The following CHRNA3 variants were observed in gnomAD, a reference collection of about 807,000 sequenced individuals.
The protein encoded by CHRNA3 is cholinergic receptor nicotinic alpha 3 subunit, also known as neuronal acetylcholine receptor subunit alpha-3.
A neutral mutation model predicts 41.9 loss-of-function variants in CHRNA3; 34 were observed. The ratio of observed to expected loss-of-function variants is 0.81; its 90% CI spans 0.62 to 1.08. CHRNA3 has a LOEUF of 1.08. Ranked by LOEUF, CHRNA3 falls within the 50% of genes least tolerant of loss-of-function variation. The pLI, the probability that CHRNA3 is intolerant of heterozygous loss-of-function variation, is 0.00. For missense variants in CHRNA3, 542 were observed against 638.3 expected (o/e 0.85, Z 1.63); for synonymous variants, 281 against 265.2 (o/e 1.06, Z -0.58).
At position 78,619,005 on chromosome 15, in the gene CHRNA3, C is replaced by T. The variant is rs71581736; in HGVS notation, c.83-90G>A. The T allele has an allele frequency of 3.7e-3, 5,248 of 1,423,450 alleles. 116 individuals are homozygous for T. The African/African-American group carries it at 0.055, about 15-fold the overall frequency. The allele number at this position is 1,423,450 out of a possible 1,614,324, so 88.2% of individuals were successfully genotyped here. A position where few individuals can be genotyped will look rare whatever the true frequency, so the allele number is the denominator to read the frequency against. ...CAGAAACATCACCCATCTACAGCAT[C>T]CCCTCCACCTGTGGGGGGATTCTGT... On this transcript the variant is annotated intron_variant, in intron 1 of 5. Transcript: ENST00000326828.
At chr15:78,617,276 A>C (rs2053478082) in intron 3 of CHRNA3, 143 bp from the exon 4 acceptor site, 4 of 629,008 alleles carry the variant, frequency 6.4e-6, no homozygotes, top group Non-Finnish European at 1.1e-5. Context: ...ACATAGTCCA[A>C]CTTCTCCTGT....
intron 4 of CHRNA3, among the ~76,000 whole-genome samples, chr15:78,609,686 C>T (rs929693829): frequency 1.3e-5 from 2 of 152,114 alleles, no homozygotes; most frequent in African/African-American, 4.8e-5. Flanking sequence ...AGCAAAATCA[C>T]CAGCTAACAT....
chr15:78,604,354 A>C (rs1033004738), intron 4 of CHRNA3, among the ~76,000 whole-genome samples: 4 of 152,252 alleles, frequency 2.6e-5, no homozygotes, highest in African/African-American at 9.6e-5. Flanking sequence ...GTCAAAGGAC[A>C]GGAATGACTT....
intron 1 of CHRNA3, among the ~76,000 whole-genome samples, chr15:78,619,438 G>A (rs2067808): frequency 0.28 from 42,163 of 151,964 alleles, 6,817 homozygotes; most frequent in Non-Finnish European, 0.38. Context: ...CTTCCACGAT[G>A]GAAAGATGGC....
intron 5 of CHRNA3, among the ~76,000 whole-genome samples, chr15:78,598,233 A>G (rs2053142547): frequency 6.6e-6 from 1 of 152,284 alleles, no homozygotes; most frequent in East Asian, 1.9e-4. Context: ...CTTCCCTCAG[A>G]AGCTTGTTTC....
chr15:78,603,047 C>T (rs1319320311), intron 4 of CHRNA3, among the ~76,000 whole-genome samples: 1 of 152,164 alleles, frequency 6.6e-6, no homozygotes. Flanking sequence ...TTCTTTGAGA[C>T]AGAGTCTCAC....
At chr15:78,608,871 G>A (rs1323150955) in intron 4 of CHRNA3, among the ~76,000 whole-genome samples, 3 of 152,190 alleles carry the variant, frequency 2.0e-5, no homozygotes, top group Non-Finnish European at 1.5e-5. Flanking sequence ...AATAACCAAT[G>A]CAGAGAAGTC....
chr15:78,599,662 A>G (rs534858947), intron 5 of CHRNA3, among the ~76,000 whole-genome samples: 1 of 148,664 alleles, frequency 6.7e-6, no homozygotes, highest in African/African-American at 2.5e-5. Flanking sequence ...AGCCCCCTGG[A>G]TTTATTTCTC....
In CHRNA3 at chr15:78,601,125, T is replaced by C. The variant is rs954545413; in HGVS notation, c.1389+128A>G. 1.4e-5 allele frequency: 12 copies of C among 828,564 alleles called. No individual in the cohort carries two copies. The East Asian group carries it at 2.2e-4, about 15-fold the overall frequency. 51.3% of individuals were successfully genotyped at this position (828,564 alleles called of 1,614,324 possible). A position where few individuals can be genotyped will look rare whatever the true frequency, so the allele number is the denominator to read the frequency against. On this transcript the variant is annotated intron_variant, in intron 5 of 5. Coordinates refer to ENST00000326828, the MANE Select transcript of CHRNA3 (RefSeq NM_000743.5). ...AACATACCCAAGGACATATAACTGG[T>C]CTTAACACAGGCCACTGACTCCAGA...
rs1285833703 is a variant in CHRNA3 at position 78,620,881 on chromosome 15, C to T, written c.-87G>A. On this transcript the variant is annotated 5_prime_UTR_variant, in exon 1 of 6. Transcript: ENST00000326828. ...ACGGCCTCTCCCCGCGCGGCTCCAG[C>T]GCAGACCCCAGACCTGGAGCCGTGC... The T allele has an allele frequency of 2.1e-5, 27 of 1,304,956 alleles. No homozygotes were observed. The highest frequency in any genetic ancestry group is 2.5e-5 in the Non-Finnish European group (26 of 1,033,502). The allele number at this position is 1,304,956 out of a possible 1,614,324, so 80.8% of individuals were successfully genotyped here. A position where few individuals can be genotyped will look rare whatever the true frequency, so the allele number is the denominator to read the frequency against.
At chr15:78,593,384 TTTATG>T (rs1209682829), downstream of CHRNA3, 4 of 843,422 alleles carry the variant, frequency 4.7e-6, no homozygotes, top group African/African-American at 3.5e-5. Flanking sequence ...CTAACCTCAA[TTTATG>T]TTAACAGATG....
chr15:78,596,607 T>C lies in CHRNA3; in HGVS notation c.1515A>G (p.Ala505=), dbSNP rs780890777. ...FLQPLMARED[A] is the part of the protein sequence containing the mutation. ...AGGCAGGCACACAGCTTAGTGCTTATGCATCTTCCCTGGCCATCAGGGGTT... is the reference window on the plus strand; with the variant it reads ...AGGCAGGCACACAGCTTAGTGCTTACGCATCTTCCCTGGCCATCAGGGGTT... Residue 505 remains alanine (A), a synonymous_variant, in exon 6 of 6, where the codon GCA becomes GCG. Transcript: ENST00000326828. The C allele has an allele frequency of 2.5e-6, 4 of 1,601,720 alleles. No individual in the cohort carries two copies. The highest frequency in any genetic ancestry group is 1.8e-5 in the Admixed American group (1 of 56,178).
intron 4 of CHRNA3, among the ~76,000 whole-genome samples, chr15:78,607,181 G>A (rs2053303062): frequency 6.9e-6 from 1 of 145,308 alleles, no homozygotes; most frequent in African/African-American, 2.5e-5. Context: ...GTGAGCCAAG[G>A]CACTCCAGCC....
downstream of CHRNA3, chr15:78,593,261 C>G (rs768799141): frequency 6.2e-7 from 1 of 1,605,698 alleles, no homozygotes. Flanking sequence ...TGAAGCCTCC[C>G]AAGGGACTGA....
downstream of CHRNA3, chr15:78,593,101 G>T: frequency 2.5e-6 from 4 of 1,605,188 alleles, no homozygotes; most frequent in Non-Finnish European, 3.4e-6. Context: ...GGTTGTTGAA[G>T]ATTGGAAATT....
chr15:78,598,083 A>G (rs1296785268), intron 5 of CHRNA3, among the ~76,000 whole-genome samples: 1 of 152,154 alleles, frequency 6.6e-6, no homozygotes, highest in Non-Finnish European at 1.5e-5. Context: ...TAGGAGGCAG[A>G]GGTGTGGAAA....
intron 4 of CHRNA3, 53 bp downstream of exon 4, chr15:78,616,971 C>T: frequency 7.4e-7 from 1 of 1,345,076 alleles, no homozygotes; most frequent in Non-Finnish European, 1.0e-6. Flanking sequence ...GGGCCAAAAA[C>T]CCAGAGCCCA....
chr15:78,601,939 G>C lies in CHRNA3; in HGVS notation c.703C>G (p.Leu235Val), dbSNP rs1555417641. Residue 235 changes from leucine (L) to valine (V), a missense_variant, in exon 5 of 6, where the codon CTG (leucine) becomes GTG (valine). Leu to Val is a conservative substitution (Grantham distance 32). Coordinates refer to ENST00000326828, the MANE Select transcript of CHRNA3 (RefSeq NM_000743.5). Reference protein sequence around the residue: ...EEIYPDITYSLYIRRLPLFYT... With the variant: ...EEIYPDITYSVYIRRLPLFYT... ...AACAAGGGCAGGCGCCGGATGTACA[G>C]CGAGTATGTGATGTCGGGGTAGATC... The C allele has an allele frequency of 6.2e-7, 1 of 1,609,340 alleles. No homozygotes were observed. Among genetic ancestry groups the C allele is most frequent in the South Asian group, 1.1e-5 (1 of 90,838 alleles).
downstream of CHRNA3, chr15:78,593,646 T>C (rs615470): frequency 0.64 from 100,937 of 156,536 alleles, 32,830 homozygotes; most frequent in East Asian, 0.82. Context: ...AACTTTCCTG[T>C]ACTCACTGAG....
Sources: gnomAD v4.1 joint callset for allele counts (sites outside exome capture counted in the v4.1 genomes callset) on GRCh38, gnomAD v4.1.1 for gene constraint, MANE v1.5 for transcripts, NCBI Gene and HGNC (gene_info 2026-07-23, HGNC 2026-07-21) for gene names.